Variants in APBB2 observed in about 807,000 individuals in gnomAD.
APBB2 encodes Fe65-like 1.
Under a neutral mutation model 82.5 loss-of-function variants are expected in APBB2, and 38 were observed. The observed-to-expected ratio is 0.46, with a 90% CI of 0.36 to 0.60. The LOEUF (loss-of-function observed/expected upper bound fraction) is 0.60. Ranked by LOEUF, APBB2 falls within the 20% of genes least tolerant of loss-of-function variation. APBB2 has a pLI of 0.00. For synonymous variants in APBB2, 341 were observed against 368.2 expected (o/e 0.93, Z 0.85); for missense variants, 772 against 972.3 (o/e 0.79, Z 2.74).
At position 41,206,411 on chromosome 4, in the gene APBB2, G is replaced by C. The variant is rs147296120; in HGVS notation, c.-417+7994C>G. On this transcript the variant is annotated intron_variant, in intron 1 of 17. Transcript: ENST00000508593. ...TCCTCCTGAACTTAGCACAGTGCCAGGCACAAACTATGTACTCAATAAGCA... is the reference window on the plus strand; with the variant it reads ...TCCTCCTGAACTTAGCACAGTGCCACGCACAAACTATGTACTCAATAAGCA... 1.2e-4 allele frequency among the ~76,000 whole-genome samples: 19 copies of C among 152,266 alleles called. No homozygotes were observed. The East Asian group carries it at 3.7e-3, about 29-fold the overall frequency.
intron 12 of APBB2, chr4:40,880,139 C>T: frequency 2.0e-6 from 2 of 985,448 alleles, no homozygotes; most frequent in Non-Finnish European, 2.4e-6. Flanking sequence ...GACAGTGGCA[C>T]ACAGAGCGCC....
chr4:40,848,604 G>A (rs951955179), intron 12 of APBB2, among the ~76,000 whole-genome samples: 2 of 152,108 alleles, frequency 1.3e-5, no homozygotes, highest in Admixed American at 6.5e-5. Flanking sequence ...GCTGGAGCTC[G>A]TGATGGTAAT....
chr4:41,204,091 T>G (rs1321817648), intron 1 of APBB2, among the ~76,000 whole-genome samples: 1 of 151,950 alleles, frequency 6.6e-6, no homozygotes, highest in African/African-American at 2.4e-5. Flanking sequence ...TGAAAGGCGG[T>G]AAAGAACAGA....
chr4:40,886,025 C>T (rs995395943), intron 12 of APBB2, among the ~76,000 whole-genome samples: 1 of 152,126 alleles, frequency 6.6e-6, no homozygotes, highest in Non-Finnish European at 1.5e-5. Flanking sequence ...AACCCTCTGA[C>T]AATATCCATT....
At chr4:41,059,524 GA>G (rs890360642) in intron 4 of APBB2, among the ~76,000 whole-genome samples, 11 of 152,272 alleles carry the variant, frequency 7.2e-5, no homozygotes, top group African/African-American at 2.7e-4. Flanking sequence ...TTACGCGAAT[GA>G]GGGCAAGGAA....
intron 3 of APBB2, among the ~76,000 whole-genome samples, chr4:41,072,246 T>C (rs1734150706): frequency 1.3e-5 from 2 of 152,202 alleles, no homozygotes; most frequent in Non-Finnish European, 2.9e-5. Context: ...GTGTGTATCC[T>C]GCTGGTAACT....
chr4:40,827,186 C>A lies in APBB2; in HGVS notation c.1678G>T (p.Ala560Ser), dbSNP rs1325923215. Residue 560 changes from alanine to serine, a missense_variant, in exon 14 of 18, where the codon GCC (alanine) becomes TCC (serine). Coordinates refer to ENST00000508593, the MANE Select transcript of APBB2 (RefSeq NM_004307.2). ...MAERKNAKAL[A>S]CSSLQERANV... ...GCCCTTTCCTGTAAGGAGCTGCAGG[C>A]CAGCGCTTTGGCATTCTTCCGTTCA... 6.2e-7 allele frequency: 1 copy of A among 1,614,188 alleles called. No homozygotes were observed. The highest frequency in any genetic ancestry group is 1.1e-5 in the South Asian group (1 of 91,088).
intron 2 of APBB2, among the ~76,000 whole-genome samples, chr4:41,133,771 G>A (rs1481789406): frequency 6.6e-6 from 1 of 152,086 alleles, no homozygotes; most frequent in Admixed American, 6.6e-5. Flanking sequence ...AAAATTCTAG[G>A]CAGCTCCCAA....
chr4:41,124,065 T>A (rs879626593), intron 2 of APBB2, among the ~76,000 whole-genome samples: 3 of 152,200 alleles, frequency 2.0e-5, no homozygotes, highest in African/African-American at 7.2e-5. Context: ...CACAGAGCTT[T>A]GATATACAGT....
At chr4:40,908,675 T>A (rs1342946944) in intron 10 of APBB2, among the ~76,000 whole-genome samples, 1 of 152,102 alleles carries the variant, frequency 6.6e-6, no homozygotes, top group East Asian at 1.9e-4. Flanking sequence ...AGGAGTACCC[T>A]GAGGAGAAGA....
chr4:40,994,543 G>A lies in APBB2; in HGVS notation c.835+19040C>T, dbSNP rs148548571. Among the ~76,000 whole-genome samples, 959 of 152,198 alleles carry A rather than the reference G, an allele frequency of 6.3e-3. 16 individuals carry two copies. The highest frequency in any genetic ancestry group is 0.021 in the African/African-American group (854 of 41,532). On this transcript the variant is annotated intron_variant, in intron 6 of 17. Transcript: ENST00000508593. ...ATTACTGTATCTTGGGCCGGGTGCA[G>A]TGACTCATGCCTGTAATCCCAGCAC...
At chr4:41,181,942 C>CAAAAAAAAAAAAA (rs35142945) in intron 1 of APBB2, among the ~76,000 whole-genome samples, 3 of 93,822 alleles carry the variant, frequency 3.2e-5, no homozygotes, top group Admixed American at 1.2e-4. Flanking sequence ...GAAACTGTCT[C>CAAAAAAAAAAAAA]AAAAAAAAAA....
At chr4:41,064,554 G>A (rs1233121667) in intron 4 of APBB2, among the ~76,000 whole-genome samples, 2 of 152,170 alleles carry the variant, frequency 1.3e-5, no homozygotes, top group African/African-American at 4.8e-5. Context: ...CCAAAAGACT[G>A]CAGGGAGCAA....
At chr4:40,831,676 A>G (rs990974766) in intron 12 of APBB2, among the ~76,000 whole-genome samples, 23 of 152,196 alleles carry the variant, frequency 1.5e-4, no homozygotes, top group African/African-American at 5.5e-4. Context: ...AGAAAGTTGA[A>G]GGGCAATCAC....
At chr4:41,120,238 T>C (rs1752398978) in intron 2 of APBB2, among the ~76,000 whole-genome samples, 1 of 152,166 alleles carries the variant, frequency 6.6e-6, no homozygotes, top group African/African-American at 2.4e-5. Context: ...CCATGGAGGT[T>C]CTCTCTTTCT....
At chr4:41,060,960 G>A (rs1027009475) in intron 4 of APBB2, among the ~76,000 whole-genome samples, 3 of 152,156 alleles carry the variant, frequency 2.0e-5, no homozygotes, top group Admixed American at 1.3e-4. Context: ...AAAATAAGGA[G>A]CAGTGAAAGG....
intron 4 of APBB2, among the ~76,000 whole-genome samples, chr4:41,052,773 CTTTT>C (rs72004025): frequency 8.2e-6 from 1 of 121,990 alleles, no homozygotes; most frequent in Non-Finnish European, 2.0e-5. Flanking sequence ...TTTCTTTCTT[CTTTT>C]TTTTTTTTTT....
intron 3 of APBB2, among the ~76,000 whole-genome samples, chr4:41,067,902 G>A (rs997129041): frequency 3.3e-5 from 5 of 152,102 alleles, no homozygotes; most frequent in African/African-American, 4.8e-5. Flanking sequence ...TGCTCACAGC[G>A]CATGGCTACA....
chr4:40,906,010 G>A (rs1212869290), intron 10 of APBB2, among the ~76,000 whole-genome samples: 1 of 152,082 alleles, frequency 6.6e-6, no homozygotes, highest in East Asian at 1.9e-4. Flanking sequence ...GCCTGGATTT[G>A]GCTTCTAATT....
Sources: gnomAD v4.1 joint callset for allele counts (sites outside exome capture counted in the v4.1 genomes callset) on GRCh38, gnomAD v4.1.1 for gene constraint, MANE v1.5 for transcripts, NCBI Gene and HGNC (gene_info 2026-07-23, HGNC 2026-07-21) for gene names.